CHFR: variants seen among roughly 807,000 people sequenced by gnomAD.
The protein encoded by CHFR is checkpoint with forkhead and ring finger domains, also known as E3 ubiquitin-protein ligase CHFR.
In CHFR, 57 loss-of-function variants were observed where a neutral mutation model predicts 87.6. That is an observed-to-expected ratio of 0.65 (90% CI 0.53 to 0.81). The LOEUF is 0.81. CHFR is among the 30% of genes least tolerant of loss of function. The probability of loss-of-function intolerance (pLI) is 0.00; values close to 1 mark genes in which losing one functional copy is unlikely to be tolerated. For missense variants in CHFR, 797 were observed against 865.8 expected, an observed-to-expected ratio of 0.92 and a Z score of 1.00; for synonymous variants, 381 against 359.2, an observed-to-expected ratio of 1.06 and a Z score of -0.69.
rs1028612118 is a variant in CHFR, at chr12:132,837,824, G to C, written c.*3730C>G. On this transcript the variant is annotated 3_prime_UTR_variant, in exon 18 of 18. Coordinates refer to ENST00000450056, the MANE Select transcript of CHFR (RefSeq NM_001161346.2). ...AGAAGGCGCAGGAGCTAGCGTGCATGCCAAAACGGAGCCCACGTGGAGGCA... is the reference window on the plus strand; with the variant it reads ...AGAAGGCGCAGGAGCTAGCGTGCATCCCAAAACGGAGCCCACGTGGAGGCA... The C allele has an allele frequency of 2.0e-5, 3 of 152,346 alleles. No homozygotes were observed. Among genetic ancestry groups the C allele is most frequent in the African/African-American group, 7.2e-5 (3 of 41,480 alleles). The allele number at this position is 152,346 out of a possible 1,614,324, so 9.4% of individuals were successfully genotyped here. A position where few individuals can be genotyped will look rare whatever the true frequency, so the allele number is the denominator to read the frequency against.
intron 12 of CHFR, among the ~76,000 whole-genome samples, chr12:132,850,565 G>A (rs572218300): frequency 3.4e-4 from 52 of 152,268 alleles, no homozygotes; most frequent in African/African-American, 1.2e-3. Flanking sequence ...AGATCACCGG[G>A]TGTGTCCCAC....
intron 8 of CHFR, among the ~76,000 whole-genome samples, chr12:132,858,388 AC>A (rs1951132517): frequency 6.7e-6 from 1 of 150,342 alleles, no homozygotes; most frequent in African/African-American, 2.5e-5. Flanking sequence ...ACAAAAAACC[AC>A]CCCGGGCTAC....
intron 10 of CHFR, among the ~76,000 whole-genome samples, chr12:132,855,317 G>A (rs1451436152): frequency 1.3e-5 from 2 of 152,126 alleles, no homozygotes; most frequent in Non-Finnish European, 2.9e-5. Context: ...AGCTATTTGG[G>A]AGGCTGAGGC....
intron 4 of CHFR, among the ~76,000 whole-genome samples, chr12:132,871,547 G>A (rs1951489350): frequency 6.6e-6 from 1 of 151,734 alleles, no homozygotes; most frequent in Non-Finnish European, 1.5e-5. Flanking sequence ...TGAGGTGGGT[G>A]GATCACCTGA....
intron 10 of CHFR, chr12:132,854,373 A>G (rs1232207697): frequency 2.0e-5 from 3 of 152,192 alleles, no homozygotes; most frequent in African/African-American, 7.2e-5. Context: ...ATTCCCAGTC[A>G]CACTCTGTGA....
chr12:132,846,595 T>C (rs1364914241), intron 15 of CHFR, among the ~76,000 whole-genome samples: 1 of 151,258 alleles, frequency 6.6e-6, no homozygotes, highest in East Asian at 2.0e-4. Flanking sequence ...AAAAACAACC[T>C]GAAGGCCGGG....
chr12:132,881,068 A>G (rs1951757899), intron 2 of CHFR, among the ~76,000 whole-genome samples: 1 of 152,040 alleles, frequency 6.6e-6, no homozygotes, highest in Non-Finnish European at 1.5e-5. Context: ...GGACTTCGAG[A>G]CCAGCCTGGC....
chr12:132,864,269 G>A (rs1951282290), intron 6 of CHFR, among the ~76,000 whole-genome samples: 1 of 151,506 alleles, frequency 6.6e-6, no homozygotes, highest in African/African-American at 2.4e-5. Context: ...CAGAAGGAAA[G>A]AGACAGCCTG....
intron 2 of CHFR, among the ~76,000 whole-genome samples, chr12:132,885,410 C>CA (rs1951864939): frequency 7.7e-6 from 1 of 130,116 alleles, no homozygotes; most frequent in Admixed American, 8.4e-5. Context: ...GACTCTGTCT[C>CA]AAAAAATATA....
intron 3 of CHFR, among the ~76,000 whole-genome samples, chr12:132,875,004 A>G (rs866808553): frequency 8.0e-5 from 12 of 150,928 alleles, no homozygotes; most frequent in Admixed American, 2.6e-4. Context: ...ACCAGCACCC[A>G]GCGTGGAGAA....
At chr12:132,874,980 C>A (rs186699691) in intron 3 of CHFR, among the ~76,000 whole-genome samples, 1 of 150,536 alleles carries the variant, frequency 6.6e-6, no homozygotes, top group South Asian at 2.1e-4. Flanking sequence ...CTGATGTAGG[C>A]GGGAAAGCCC....
chr12:132,870,132 C>G (rs540583915), intron 5 of CHFR, among the ~76,000 whole-genome samples: 1 of 152,098 alleles, frequency 6.6e-6, no homozygotes, highest in East Asian at 1.9e-4. Flanking sequence ...GCGGGTAGAT[C>G]ACGAGGTCAG....
At chr12:132,868,061 C>G (rs930719951) in intron 6 of CHFR, 2 of 152,150 alleles carry the variant, frequency 1.3e-5, no homozygotes, top group African/African-American at 4.8e-5. Flanking sequence ...ATTCCCGTCA[C>G]GCTGCACCCA....
chr12:132,873,018 ACTTCT>A (rs1415734612), intron 3 of CHFR, among the ~76,000 whole-genome samples: 5 of 152,070 alleles, frequency 3.3e-5, no homozygotes, highest in Admixed American at 3.3e-4. Flanking sequence ...CCTCCTGGGG[ACTTCT>A]GAGCAGAGAC....
rs1341652164 is a variant in CHFR at position 132,884,973 on chromosome 12, A to C, written c.133+2223T>G. On this transcript the variant is annotated intron_variant, in intron 2 of 17. Transcript: ENST00000450056. ...TGTGGTGGTACGTGCCTGTAGTCCC[A>C]GCTACTCGGGAGGCTGAGGCAGGAG... Among the ~76,000 whole-genome samples, 5 of 152,216 alleles carry C rather than the reference A, an allele frequency of 3.3e-5. No homozygotes were observed. The East Asian group carries it at 9.7e-4, about 29-fold the overall frequency.
intron 12 of CHFR, among the ~76,000 whole-genome samples, chr12:132,851,399 C>CG (rs770803986): frequency 6.6e-5 from 10 of 152,070 alleles, no homozygotes; most frequent in Non-Finnish European, 1.3e-4. Context: ...GCCGAGCCCC[C>CG]GGTGGATGGA....
intron 3 of CHFR, 46 bp downstream of exon 3, chr12:132,877,509 T>C: frequency 7.3e-7 from 1 of 1,374,996 alleles, no homozygotes; most frequent in South Asian, 1.3e-5. Context: ...GTCAGGCTTC[T>C]TAAGCTACAA....
chr12:132,848,783 T>A, intron 12 of CHFR, 59 bp from the exon 13 acceptor site: 1 of 1,275,886 alleles, frequency 7.8e-7, no homozygotes, highest in Non-Finnish European at 1.1e-6. Flanking sequence ...TCCAACACAA[T>A]TCGTCAGCAC....
intron 15 of CHFR, among the ~76,000 whole-genome samples, chr12:132,846,302 C>A (rs68159019): frequency 3.4e-5 from 5 of 147,856 alleles, no homozygotes; most frequent in South Asian, 4.3e-4. Context: ...TCGCTCTGTC[C>A]CCCAGGCTGG....
Sources: gnomAD v4.1 joint callset for allele counts (sites outside exome capture counted in the v4.1 genomes callset) on GRCh38, gnomAD v4.1.1 for gene constraint, MANE v1.5 for transcripts, NCBI Gene and HGNC (gene_info 2026-07-23, HGNC 2026-07-21) for gene names.